Variants in TYW1 observed in about 807,000 individuals in gnomAD.
The protein encoded by TYW1 is tRNA-yW synthesizing protein 1 homolog, also known as S-adenosyl-L-methionine-dependent tRNA 4-demethylwyosine synthase TYW1.
A neutral mutation model predicts 96.2 loss-of-function variants in TYW1; 46 were observed. The observed-to-expected ratio is 0.48, with a 90% CI of 0.38 to 0.61. TYW1 has a LOEUF of 0.61. Among genes scored for constraint, TYW1 ranks in the 20% least tolerant of loss-of-function variants. The pLI is 0.00. For missense variants in TYW1, 684 were observed against 909.6 expected (o/e 0.75, Z 3.19); for synonymous variants, 274 against 323.0 (o/e 0.85, Z 1.63).
intron 13 of TYW1, among the ~76,000 whole-genome samples, chr7:67,130,626 T>A (rs1328418975): frequency 2.0e-5 from 3 of 151,096 alleles, no homozygotes; most frequent in Non-Finnish European, 4.4e-5. Flanking sequence ...ATCATGCCCC[T>A]GCACTCCAGC....
At chr7:67,221,765 C>A (rs561035156) in intron 15 of TYW1, among the ~76,000 whole-genome samples, 1 of 152,130 alleles carries the variant, frequency 6.6e-6, no homozygotes, top group Non-Finnish European at 1.5e-5. Context: ...AACTATGTTC[C>A]TTTACAGCTC....
At chr7:67,066,002 TACACACACACAC>T (rs778159395) in intron 9 of TYW1, among the ~76,000 whole-genome samples, 4 of 93,134 alleles carry the variant, frequency 4.3e-5, no homozygotes, top group Non-Finnish European at 8.5e-5. Flanking sequence ...AGAGTGAGAC[TACACACACACAC>T]ACACACACAC....
intron 5 of TYW1, among the ~76,000 whole-genome samples, chr7:67,016,980 A>ATTTTT (rs35358824): frequency 8.2e-6 from 1 of 121,760 alleles, no homozygotes; most frequent in Non-Finnish European, 1.7e-5. Context: ...AGATATGTAA[A>ATTTTT]TTTTTTTTTT....
intron 11 of TYW1, among the ~76,000 whole-genome samples, chr7:67,084,838 G>A (rs1015248169): frequency 6.6e-6 from 1 of 152,160 alleles, no homozygotes; most frequent in African/African-American, 2.4e-5. Flanking sequence ...TTTCTGGTTG[G>A]TGTTGATGTT....
intron 14 of TYW1, among the ~76,000 whole-genome samples, chr7:67,185,769 T>C (rs1006687838): frequency 3.9e-5 from 6 of 152,214 alleles, no homozygotes; most frequent in African/African-American, 1.4e-4. Flanking sequence ...GTAATGGCTT[T>C]TTTAGGCAAC....
chr7:67,103,998 T>C (rs1392056054), intron 12 of TYW1, among the ~76,000 whole-genome samples: 2 of 152,166 alleles, frequency 1.3e-5, no homozygotes, highest in Non-Finnish European at 1.5e-5. Context: ...GGTGGTTGGG[T>C]GGCCTATTTA....
At chr7:67,182,982 C>T in intron 13 of TYW1, 144 bp from the exon 14 acceptor site, 1 of 555,072 alleles carries the variant, frequency 1.8e-6, no homozygotes, top group Non-Finnish European at 3.1e-6. Context: ...CATCTTTCCT[C>T]AAAATATAGC....
intron 14 of TYW1, among the ~76,000 whole-genome samples, chr7:67,191,711 G>A (rs1800225028): frequency 6.6e-6 from 1 of 150,942 alleles, no homozygotes; most frequent in African/African-American, 2.5e-5. Flanking sequence ...GAGAAAACCA[G>A]ACAGAGCCAT....
In TYW1 at chr7:67,044,390, G is replaced by A. The variant is rs544009364; in HGVS notation, c.985-5559G>A. Among the ~76,000 whole-genome samples the A allele has an allele frequency of 2.2e-4, 33 of 151,816 alleles. No homozygotes were observed. In the East Asian group the frequency reaches 2.3e-3, roughly 11 times the overall value. On this transcript the variant is annotated intron_variant, in intron 7 of 15. Coordinates refer to ENST00000359626, the MANE Select transcript of TYW1 (RefSeq NM_018264.4). ...TGGGATTACAGGTGTGAGCCACCAC[G>A]TCCGACCTGAGTTTTTAATATTGAA...
chr7:67,130,421 C>T (rs1467274016), intron 13 of TYW1, among the ~76,000 whole-genome samples: 2 of 151,824 alleles, frequency 1.3e-5, no homozygotes, highest in African/African-American at 2.4e-5. Flanking sequence ...CATCTGGAAT[C>T]CCAGCACTTT....
intron 13 of TYW1, among the ~76,000 whole-genome samples, chr7:67,133,142 TTTTA>T (rs1798136603): frequency 6.6e-6 from 1 of 152,184 alleles, no homozygotes; most frequent in African/African-American, 2.4e-5. Context: ...GTTGATTCTA[TTTTA>T]TTTATTTTTT....
intron 10 of TYW1, among the ~76,000 whole-genome samples, chr7:67,081,146 T>G (rs1335993390): frequency 6.7e-6 from 1 of 149,762 alleles, no homozygotes; most frequent in Non-Finnish European, 1.5e-5. Flanking sequence ...TGGTGATGAA[T>G]TCCCTCAGTT....
At chr7:67,091,257 T>A (rs561154318) in intron 11 of TYW1, among the ~76,000 whole-genome samples, 1 of 148,938 alleles carries the variant, frequency 6.7e-6, no homozygotes, top group African/African-American at 2.5e-5. Context: ...AATTCATGTT[T>A]TTTTTAGGGA....
At chr7:67,142,205 C>G (rs773777730) in intron 13 of TYW1, among the ~76,000 whole-genome samples, 1 of 149,096 alleles carries the variant, frequency 6.7e-6, no homozygotes, top group South Asian at 2.1e-4. Flanking sequence ...AAACAATCCT[C>G]CCACCTCAGT....
At chr7:67,238,124 G>C (rs944888975) in intron 15 of TYW1, among the ~76,000 whole-genome samples, 184 bp from the exon 16 acceptor site, 1 of 151,382 alleles carries the variant, frequency 6.6e-6, no homozygotes, top group South Asian at 2.1e-4. Flanking sequence ...TGATTGTAGC[G>C]CATCTTGGTT....
intron 15 of TYW1, among the ~76,000 whole-genome samples, chr7:67,206,310 A>G (rs1376479346): frequency 1.3e-5 from 2 of 152,090 alleles, no homozygotes; most frequent in African/African-American, 2.4e-5. Context: ...ATGGCTAGCA[A>G]TTTACTCTAA....
chr7:67,175,030 A>C (rs1027824575), intron 13 of TYW1, among the ~76,000 whole-genome samples: 3 of 151,914 alleles, frequency 2.0e-5, no homozygotes, highest in Non-Finnish European at 2.9e-5. Context: ...CGTCCAAAGG[A>C]AACTCCAGGC....
At chr7:67,184,152 G>A (rs1207038125) in intron 14 of TYW1, among the ~76,000 whole-genome samples, 1 of 152,138 alleles carries the variant, frequency 6.6e-6, no homozygotes, top group Non-Finnish European at 1.5e-5. Flanking sequence ...TATTCAGAGT[G>A]CTGGGCTCAT....
chr7:67,205,941 C>G (rs1800783685), intron 15 of TYW1, among the ~76,000 whole-genome samples: 1 of 152,198 alleles, frequency 6.6e-6, no homozygotes, highest in Admixed American at 6.5e-5. Flanking sequence ...AGTGTGCCTT[C>G]TTATCTCTAC....
Sources: allele counts gnomAD v4.1 joint callset (sites outside exome capture counted in the v4.1 genomes callset), GRCh38; gene constraint gnomAD v4.1.1; transcripts MANE v1.5; gene names NCBI Gene and HGNC (gene_info 2026-07-23, HGNC 2026-07-21).